Variants in NPAS3 observed in about 807,000 individuals in gnomAD.
The protein encoded by NPAS3 is neuronal PAS domain protein 3.
A neutral mutation model predicts 73.1 loss-of-function variants in NPAS3; 14 were observed. The observed-to-expected ratio is 0.19, with a 90% CI of 0.13 to 0.30. The LOEUF is 0.30. Ranked by LOEUF, NPAS3 falls within the 10% of genes least tolerant of loss-of-function variation. The pLI, the probability that NPAS3 is intolerant of heterozygous loss-of-function variation, is 1.00. For missense variants in NPAS3, 1,096 were observed against 1,250.0 expected (o/e 0.88, Z 1.86); for synonymous variants, 620 against 541.5 (o/e 1.14, Z -2.01).
chr14:33,298,254 G>C (rs955944239), intron 3 of NPAS3, among the ~76,000 whole-genome samples: 1 of 152,188 alleles, frequency 6.6e-6, no homozygotes, highest in African/African-American at 2.4e-5. Context: ...CCGCGCTCCA[G>C]CCTGGATGAC....
At chr14:33,194,407 C>T (rs2046277423) in intron 2 of NPAS3, among the ~76,000 whole-genome samples, 1 of 152,102 alleles carries the variant, frequency 6.6e-6, no homozygotes, top group African/African-American at 2.4e-5. Flanking sequence ...ATATTACTCA[C>T]TAACAAATCA....
chr14:33,475,326 G>T (rs1316987918), intron 4 of NPAS3, among the ~76,000 whole-genome samples: 9 of 152,032 alleles, frequency 5.9e-5, no homozygotes, highest in Admixed American at 5.9e-4. Context: ...TACTTGACAT[G>T]CTTATTGATG....
intron 3 of NPAS3, among the ~76,000 whole-genome samples, chr14:33,266,541 C>G (rs754060053): frequency 1.6e-4 from 25 of 152,166 alleles, no homozygotes; most frequent in Non-Finnish European, 3.4e-4. Context: ...TATTTAAAAA[C>G]TAAATACAAT....
intron 2 of NPAS3, among the ~76,000 whole-genome samples, chr14:33,072,552 G>A (rs1729659265): frequency 6.6e-6 from 1 of 152,168 alleles, no homozygotes; most frequent in South Asian, 2.1e-4. Context: ...CTTTCCCTAG[G>A]GAACCCAGGA....
chr14:33,529,414 G>C (rs1595092934), intron 4 of NPAS3, among the ~76,000 whole-genome samples: 1 of 152,010 alleles, frequency 6.6e-6, no homozygotes, highest in East Asian at 1.9e-4. Flanking sequence ...CAGAATCTAG[G>C]TTAAGAAGCT....
intron 1 of NPAS3, among the ~76,000 whole-genome samples, chr14:32,948,905 A>G (rs2036373066): frequency 6.6e-6 from 1 of 152,046 alleles, no homozygotes; most frequent in African/African-American, 2.4e-5. Context: ...GGGAGAGGGA[A>G]AATGTAGGGC....
intron 1 of NPAS3, among the ~76,000 whole-genome samples, chr14:32,957,800 C>G (rs2036740680): frequency 6.6e-6 from 1 of 152,156 alleles, no homozygotes; most frequent in Non-Finnish European, 1.5e-5. Flanking sequence ...ACTTCTGTCT[C>G]TTAGTGTGGG....
chr14:33,557,613 T>C (rs1413974011), intron 4 of NPAS3, among the ~76,000 whole-genome samples: 1 of 152,236 alleles, frequency 6.6e-6, no homozygotes, highest in Non-Finnish European at 1.5e-5. Context: ...AAATCTAAAC[T>C]CCAAACTAGG....
At chr14:33,593,069 T>C (rs1487609368) in intron 5 of NPAS3, among the ~76,000 whole-genome samples, 3 of 152,122 alleles carry the variant, frequency 2.0e-5, no homozygotes, top group Non-Finnish European at 4.4e-5. Context: ...GCTTGGCACA[T>C]GGAGGGGTCA....
chr14:32,962,990 G>C (rs2036997798), intron 1 of NPAS3, among the ~76,000 whole-genome samples: 2 of 151,418 alleles, frequency 1.3e-5, no homozygotes. Flanking sequence ...CAATTTTAAA[G>C]TGCACATTTC....
chr14:33,402,514 A>C (rs2047490433), intron 4 of NPAS3, among the ~76,000 whole-genome samples: 1 of 152,062 alleles, frequency 6.6e-6, no homozygotes, highest in South Asian at 2.1e-4. Context: ...CTTGGCTGGC[A>C]GGCCTGAAGA....
chr14:33,506,569 C>T (rs1483428363), intron 4 of NPAS3, among the ~76,000 whole-genome samples: 1 of 152,066 alleles, frequency 6.6e-6, no homozygotes, highest in African/African-American at 2.4e-5. Context: ...TGACATTTTT[C>T]CATCCAAACC....
At chr14:32,939,881 A>G (rs1017459992) in intron 1 of NPAS3, among the ~76,000 whole-genome samples, 9 of 151,848 alleles carry the variant, frequency 5.9e-5, no homozygotes, top group African/African-American at 2.2e-4. Flanking sequence ...AGCTCGCGCC[A>G]GGCCCGGAAT....
chr14:33,271,419 A>G (rs2041072940), intron 3 of NPAS3, among the ~76,000 whole-genome samples: 1 of 151,772 alleles, frequency 6.6e-6, no homozygotes, highest in Admixed American at 6.6e-5. Flanking sequence ...ACCTTGGGGA[A>G]GAAGGATTCT....
intron 4 of NPAS3, among the ~76,000 whole-genome samples, chr14:33,474,475 G>A (rs1448174100): frequency 6.6e-6 from 1 of 152,168 alleles, no homozygotes; most frequent in Non-Finnish European, 1.5e-5. Context: ...ACAGAAAAAT[G>A]TCAAAAGTCT....
At chr14:32,954,852 A>T (rs974219833) in intron 1 of NPAS3, among the ~76,000 whole-genome samples, 2 of 152,292 alleles carry the variant, frequency 1.3e-5, no homozygotes, top group East Asian at 3.9e-4. Context: ...CAAAAGTTTG[A>T]TCATGCCTAG....
chr14:33,026,506 G>C (rs2039806722), intron 1 of NPAS3, among the ~76,000 whole-genome samples: 1 of 151,850 alleles, frequency 6.6e-6, no homozygotes, highest in Non-Finnish European at 1.5e-5. Context: ...AGTCTACACA[G>C]CAACAACAAT....
intron 1 of NPAS3, among the ~76,000 whole-genome samples, chr14:33,024,837 T>C (rs1008800536): frequency 6.6e-6 from 1 of 152,234 alleles, no homozygotes; most frequent in East Asian, 1.9e-4. Context: ...CGTATTACTT[T>C]TGTAATCAGA....
chr14:33,217,615 G>A lies in NPAS3; in HGVS notation c.385+2189G>A, dbSNP rs77525197. On this transcript the variant is annotated intron_variant, in intron 3 of 11. Transcript: ENST00000356141. The stretch of plus-strand genomic sequence containing the variant: ...TTATTTGTTTACTTTCATTGTTAAA[G>A]GGGTTTGTAGTCAATAGGCTTTCTT... 7.0e-4 allele frequency among the ~76,000 whole-genome samples: 107 copies of A among 152,272 alleles called. No homozygotes were observed. In the East Asian group the frequency reaches 9.8e-3, roughly 14 times the overall value.
Sources: allele counts gnomAD v4.1 joint callset (sites outside exome capture counted in the v4.1 genomes callset), GRCh38; gene constraint gnomAD v4.1.1; transcripts MANE v1.5; gene names NCBI Gene and HGNC (gene_info 2026-07-23, HGNC 2026-07-21).